The following ZNF585B variants were observed in gnomAD, a reference collection of about 807,000 sequenced individuals.
ZNF585B encodes the protein zinc finger protein 585B, also known as zinc finger protein 41-like protein.
ZNF585B carries 7 observed loss-of-function variants against 14.0 expected under a neutral mutation model. The ratio of observed to expected loss-of-function variants is 0.50; its 90% CI spans 0.28 to 0.94. The LOEUF is 0.94. Ranked by LOEUF, ZNF585B falls within the 40% of genes least tolerant of loss-of-function variation. The pLI is 0.09. For missense variants in ZNF585B, 750 were observed against 924.4 expected (o/e 0.81, Z 2.45); for synonymous variants, 290 against 317.3 (o/e 0.91, Z 0.91).
chr19:37,199,086 C>A, intron 2 of ZNF585B: 1 of 1,257,510 alleles, frequency 8.0e-7, no homozygotes, highest in South Asian at 1.3e-5. Context: ...TAATTTTTCT[C>A]TTTATCATAC....
At chr19:37,198,229 T>C (rs987171988) in intron 2 of ZNF585B, among the ~76,000 whole-genome samples, 2 of 152,072 alleles carry the variant, frequency 1.3e-5, no homozygotes, top group East Asian at 1.9e-4. Context: ...TGGAGTGTAA[T>C]GGCGTGATCT....
In ZNF585B at chr19:37,186,878, C is replaced by T. The variant is rs760554212; in HGVS notation, c.659G>A (p.Gly220Glu). 1.2e-6 allele frequency: 2 copies of T among 1,613,730 alleles called. No homozygotes were observed. Among genetic ancestry groups the T allele is most frequent in the African/African-American group, 1.3e-5 (1 of 74,882 alleles). ...ATCTGAGTTATAAGGGAAACCTTTC[C>T]CACATTCACTACATTCATATAGTTT... is the stretch of plus-strand genomic sequence containing the variant. ...GEKLYECSEC[G>E]KGFPYNSDLS... Residue 220 changes from glycine to glutamate, a missense_variant, in exon 5 of 5, where the codon GGG becomes GAG. By Grantham distance (98) the Gly-to-Glu change is moderately conservative. Around this residue, in one of 2 missense-constraint regions of ZNF585B, gnomAD observed 517 missense variants for 570.3 expected, o/e 0.91. Transcript: ENST00000532828.
chr19:37,208,713 G>T (rs1467972084), intron 1 of ZNF585B, among the ~76,000 whole-genome samples: 3 of 151,630 alleles, frequency 2.0e-5, no homozygotes, highest in Non-Finnish European at 4.4e-5. Flanking sequence ...CAATTAGAGA[G>T]AAATTTTCCT....
At chr19:37,208,771 C>T (rs1379755071) in intron 1 of ZNF585B, among the ~76,000 whole-genome samples, 1 of 152,122 alleles carries the variant, frequency 6.6e-6, no homozygotes, top group Non-Finnish European at 1.5e-5. Flanking sequence ...CACAATGGAT[C>T]ACTTGAGGCC....
chr19:37,207,197 G>A lies in ZNF585B; in HGVS notation c.-86C>T, dbSNP rs1482922247. 1.9e-6 allele frequency: 3 copies of A among 1,584,634 alleles called. No homozygotes were observed. Among genetic ancestry groups the A allele is most frequent in the African/African-American group, 1.3e-5 (1 of 74,490 alleles). On this transcript the variant is annotated 5_prime_UTR_variant, in exon 2 of 5. Transcript: ENST00000532828. ...AACTCAGCAGAGCTGCTCCGAAGAG[G>A]TGGGCTGGAGTCTGGAGGAAGGTCT...
Position 37,201,477 on chromosome 19 carries a change from T to C in ZNF585B, c.72+5563A>G, listed in dbSNP as rs902074739. ...GAAAGCCTCATAACTATATAAGATA[T>C]CTTATAAGTTACCAATAAAATCTTA... On this transcript the variant is annotated intron_variant, in intron 2 of 4. Coordinates refer to ENST00000532828, the MANE Select transcript of ZNF585B (RefSeq NM_152279.4). Among the ~76,000 whole-genome samples, 6 of 152,130 alleles carry C rather than the reference T, an allele frequency of 3.9e-5. 1 individual carries two copies. The highest frequency in any genetic ancestry group is 3.9e-4 in the Admixed American group (6 of 15,270).
Position 37,182,175 on chromosome 19 carries a change from G to T in ZNF585B, c.*3052C>A, listed in dbSNP as rs910339276. The T allele has an allele frequency of 1.3e-4, 20 of 152,008 alleles. No homozygotes were observed. Among genetic ancestry groups the T allele is most frequent in the Non-Finnish European group, 2.4e-4 (16 of 67,982 alleles). 9.4% of individuals were successfully genotyped at this position (152,008 alleles called of 1,614,324 possible). A position where few individuals can be genotyped will look rare whatever the true frequency, so the allele number is the denominator to read the frequency against. ...TAAAAACTAGTCTTTTATATAAATGGGCATACATATACATATATATGTCAG... is the reference window on the plus strand; with the variant it reads ...TAAAAACTAGTCTTTTATATAAATGTGCATACATATACATATATATGTCAG... On this transcript the variant is annotated 3_prime_UTR_variant, in exon 5 of 5. Transcript: ENST00000532828.
rs1461849774 is a variant in ZNF585B, at chr19:37,190,067, G to A, written c.156C>T (p.Tyr52=). The A allele has an allele frequency of 5.6e-6, 9 of 1,614,008 alleles. No individual in the cohort carries two copies. The highest frequency in any genetic ancestry group is 7.6e-6 in the Non-Finnish European group (9 of 1,180,004). Residue 52 remains tyrosine (Y), a synonymous_variant, in exon 3 of 5, where the codon TAC becomes TAT. Transcript: ENST00000532828. ...TGTAGGTCTCCAGCATCACATCCCG[G>A]TACAGGTTTCTCTGAGAAAGGTCCA... is the stretch of plus-strand genomic sequence containing the variant. ...RHLDLSQRNL[Y]RDVMLETYSH... is the part of the protein sequence containing the mutation.
chr19:37,195,345 CAAAAAAAAAAAAAAAAA>C (rs71177429), intron 2 of ZNF585B, among the ~76,000 whole-genome samples: 3 of 14,282 alleles, frequency 2.1e-4, no homozygotes, highest in African/African-American at 6.8e-4. Context: ...GACTCTGACT[CAAAAAAAAAAAAAAAAA>C]AAAAAAAAAA....
At chr19:37,192,470 G>A (rs893045311) in intron 2 of ZNF585B, among the ~76,000 whole-genome samples, 6 of 150,748 alleles carry the variant, frequency 4.0e-5, no homozygotes, top group Non-Finnish European at 8.8e-5. Context: ...TTGCATCACC[G>A]CACTCCAACC....
chr19:37,198,011 T>C (rs184138150), intron 2 of ZNF585B, among the ~76,000 whole-genome samples: 149 of 152,194 alleles, frequency 9.8e-4, no homozygotes, highest in African/African-American at 3.5e-3. Context: ...GCCAGGAATG[T>C]GTAGAGAAGG....
At chr19:37,194,557 GA>G (rs1972438905) in intron 2 of ZNF585B, among the ~76,000 whole-genome samples, 1 of 152,136 alleles carries the variant, frequency 6.6e-6, no homozygotes, top group Non-Finnish European at 1.5e-5. Context: ...AGGTTGCAGT[GA>G]GCCAAAATCA....
At chr19:37,197,032 C>T (rs1245208854) in intron 2 of ZNF585B, among the ~76,000 whole-genome samples, 1 of 152,138 alleles carries the variant, frequency 6.6e-6, no homozygotes, top group African/African-American at 2.4e-5. Flanking sequence ...GCACAACGTG[C>T]AGGTTTGATA....
At chr19:37,192,858 G>A (rs1014583833) in intron 2 of ZNF585B, among the ~76,000 whole-genome samples, 7 of 151,408 alleles carry the variant, frequency 4.6e-5, no homozygotes, top group East Asian at 1.9e-4. Context: ...AATGAGGGCC[G>A]GGCACAGTGG....
At chr19:37,190,869 A>G (rs1158195157) in intron 2 of ZNF585B, among the ~76,000 whole-genome samples, 6 of 151,980 alleles carry the variant, frequency 3.9e-5, no homozygotes, top group African/African-American at 1.4e-4. Context: ...TGGCCAATTT[A>G]CTTCCTTTTT....
At chr19:37,200,081 T>C (rs1972514787) in intron 2 of ZNF585B, among the ~76,000 whole-genome samples, 1 of 149,392 alleles carries the variant, frequency 6.7e-6, no homozygotes, top group South Asian at 2.1e-4. Flanking sequence ...TAAAATAAAA[T>C]AAAATAAAAT....
chr19:37,200,735 C>T (rs572152258), intron 2 of ZNF585B, among the ~76,000 whole-genome samples: 5 of 151,608 alleles, frequency 3.3e-5, no homozygotes, highest in South Asian at 2.1e-4. Flanking sequence ...TAGTCTTAAA[C>T]GATAGATATA....
At position 37,184,399 on chromosome 19, in the gene ZNF585B, A is replaced by AGAAG. The variant is rs1972296901; in HGVS notation, c.*827_*828insCTTC. On this transcript the variant is annotated 3_prime_UTR_variant, in exon 5 of 5. Coordinates refer to ENST00000532828, the MANE Select transcript of ZNF585B (RefSeq NM_152279.4). ...AAGAAAGAAAGAAAGAAAGAAAGAA[A>AGAAG]GAAAGAAAGAAAGAAAGAGAAAGAA... The AGAAG allele has an allele frequency of 1.4e-4, 8 of 58,358 alleles. No individual in the cohort carries two copies. Among genetic ancestry groups the AGAAG allele is most frequent in the Non-Finnish European group, 2.4e-4 (7 of 29,778 alleles). The allele number at this position is 58,358 out of a possible 1,614,324, so 3.6% of individuals were successfully genotyped here.
chr19:37,193,577 A>T (rs2145436443), intron 2 of ZNF585B, among the ~76,000 whole-genome samples: 1 of 152,128 alleles, frequency 6.6e-6, no homozygotes, highest in South Asian at 2.1e-4. Flanking sequence ...TAGGAGTTTG[A>T]GACCAGCCCA....
Sources: gnomAD v4.1 joint callset for allele counts (sites outside exome capture counted in the v4.1 genomes callset) on GRCh38, gnomAD v4.1.1 for gene constraint, gnomAD v4.1.1 regional missense constraint, MANE v1.5 for transcripts, NCBI Gene and HGNC (gene_info 2026-07-23, HGNC 2026-07-21) for gene names.